PACS1: variants seen among roughly 807,000 people sequenced by gnomAD.
PACS1 encodes PACS-1.
In PACS1, 24 loss-of-function variants were observed where a neutral mutation model predicts 115.0. The observed-to-expected ratio is 0.21, with a 90% CI of 0.15 to 0.29. PACS1 has a LOEUF of 0.29. Among genes scored for constraint, PACS1 ranks in the 10% least tolerant of loss-of-function variants. PACS1 has a pLI of 1.00. For missense variants in PACS1, 838 were observed against 1,251.2 expected (o/e 0.67, Z 4.98); for synonymous variants, 453 against 504.5 (o/e 0.90, Z 1.37).
chr11:66,184,249 G>C (rs1860068465), intron 1 of PACS1, among the ~76,000 whole-genome samples: 1 of 149,996 alleles, frequency 6.7e-6, no homozygotes. Context: ...AGAGGCGGAG[G>C]CTGCGGTGAG....
Position 66,233,973 on chromosome 11 carries a change from A to G in PACS1, c.1993+34A>G, listed in dbSNP as rs772340831. The G allele has an allele frequency of 6.4e-7, 1 of 1,569,024 alleles. No individual in the cohort carries two copies. The highest frequency in any genetic ancestry group is 8.7e-7 in the Non-Finnish European group (1 of 1,154,596). On this transcript the variant is annotated intron_variant, in intron 16 of 23. Coordinates refer to ENST00000320580, the MANE Select transcript of PACS1 (RefSeq NM_018026.4). The surrounding 1 kb of genome is among the most constrained non-coding windows in gnomAD (Gnocchi z 4.5). Reference sequence around the variant, plus strand: ...GGGAGGCACCAGGAGGGCGTCGGGCATGAGGGTTCCATAGACAGATGCCTC... The same window carrying G: ...GGGAGGCACCAGGAGGGCGTCGGGCGTGAGGGTTCCATAGACAGATGCCTC...
In PACS1 at chr11:66,235,912, C is replaced by A; in HGVS notation, c.2222C>A (p.Ser741Tyr). 2 of 1,613,898 alleles carry A rather than the reference C, an allele frequency of 1.2e-6. No homozygotes were observed. The highest frequency in any genetic ancestry group is 2.2e-5 in the South Asian group (2 of 91,084). Residue 741 changes from serine (S) to tyrosine (Y), a missense_variant, in exon 19 of 24, where the codon TCC (serine) becomes TAC (tyrosine). Ser to Tyr is a moderately radical substitution (Grantham distance 144). Coordinates refer to ENST00000320580, the MANE Select transcript of PACS1 (RefSeq NM_018026.4). This position sits in a 1 kb window ranked among gnomAD's most constrained non-coding sequence, Gnocchi z 5.6. ...TCTCCCAACAGCCCTGATGAAGACT[C>A]CTATCAGAAGTTTATTCCCTTCATT... ...TCRHKFPDED[S>Y]YQKFIPFIGV...
At chr11:66,202,069 C>A (rs1425376470) in intron 2 of PACS1, among the ~76,000 whole-genome samples, 1 of 152,104 alleles carries the variant, frequency 6.6e-6, no homozygotes, top group Non-Finnish European at 1.5e-5. Flanking sequence ...ACTGACACTG[C>A]AGAAATTCAA....
intron 10 of PACS1, among the ~76,000 whole-genome samples, chr11:66,222,858 C>T (rs1855382673): frequency 6.6e-6 from 1 of 151,996 alleles, no homozygotes; most frequent in Admixed American, 6.6e-5. Context: ...CCAGGTGGGG[C>T]TCTCTCCCAG....
intron 19 of PACS1, chr11:66,238,009 C>T: frequency 1.0e-6 from 1 of 969,728 alleles, no homozygotes. Flanking sequence ...TTTGCCTAGG[C>T]CTGGGCCCAG....
intron 1 of PACS1, among the ~76,000 whole-genome samples, chr11:66,140,690 A>G (rs1048600739): frequency 1.3e-5 from 2 of 152,228 alleles, no homozygotes; most frequent in South Asian, 2.1e-4. Context: ...AACCCTGCCA[A>G]ATTAGTAAAA....
chr11:66,239,407 T>C (rs1855767981), intron 21 of PACS1, 130 bp downstream of exon 21: 1 of 1,105,760 alleles, frequency 9.0e-7, no homozygotes, highest in Middle Eastern at 2.9e-4. Flanking sequence ...CCTGTGGTCC[T>C]AGCTACTCAG....
chr11:66,136,411 C>T (rs1378796198), intron 1 of PACS1, among the ~76,000 whole-genome samples: 1 of 151,742 alleles, frequency 6.6e-6, no homozygotes, highest in Non-Finnish European at 1.5e-5. Flanking sequence ...TTTAACAAAA[C>T]CTTCATATCC....
chr11:66,221,325 G>A (rs566057757), intron 10 of PACS1, 78 bp downstream of exon 10: 2 of 1,230,482 alleles, frequency 1.6e-6, no homozygotes, highest in African/African-American at 1.5e-5. Context: ...CTGCATCTCT[G>A]ATCAGGGCTC....
chr11:66,189,557 C>G (rs561024249), intron 1 of PACS1, among the ~76,000 whole-genome samples: 20 of 152,306 alleles, frequency 1.3e-4, no homozygotes, highest in Non-Finnish European at 2.5e-4. Flanking sequence ...TTTCCCGCTG[C>G]GCTGTGTAGC....
intron 1 of PACS1, among the ~76,000 whole-genome samples, chr11:66,080,807 G>A (rs1857464762): frequency 6.6e-6 from 1 of 152,224 alleles, no homozygotes; most frequent in Admixed American, 6.5e-5. Context: ...ACAGCGAGAG[G>A]CTGTGTGGTA....
At chr11:66,200,934 G>A (rs75346020) in intron 2 of PACS1, among the ~76,000 whole-genome samples, 1 of 150,066 alleles carries the variant, frequency 6.7e-6, no homozygotes, top group African/African-American at 2.4e-5. Flanking sequence ...AAAAAAAAAA[G>A]TTGAGGCCAG....
chr11:66,163,549 A>G (rs1401964115), intron 1 of PACS1, among the ~76,000 whole-genome samples: 2 of 152,126 alleles, frequency 1.3e-5, no homozygotes, highest in Non-Finnish European at 2.9e-5. Context: ...TGAGGTCTCA[A>G]CAGTAGACTT....
At chr11:66,138,626 G>A (rs114135337) in intron 1 of PACS1, among the ~76,000 whole-genome samples, 1 of 151,472 alleles carries the variant, frequency 6.6e-6, no homozygotes, top group Non-Finnish European at 1.5e-5. Flanking sequence ...TTATTGTTAG[G>A]CTTACTGCTG....
At chr11:66,122,827 C>T (rs1356080743) in intron 1 of PACS1, among the ~76,000 whole-genome samples, 1 of 152,116 alleles carries the variant, frequency 6.6e-6, no homozygotes, top group African/African-American at 2.4e-5. Flanking sequence ...GGGACCTACT[C>T]CTGGTAAAGA....
chr11:66,135,951 C>G (rs936115320), intron 1 of PACS1, among the ~76,000 whole-genome samples: 1 of 152,110 alleles, frequency 6.6e-6, no homozygotes, highest in Non-Finnish European at 1.5e-5. Context: ...GCCACTACAC[C>G]CAGCCTCCTG....
intron 1 of PACS1, among the ~76,000 whole-genome samples, chr11:66,090,268 T>A (rs1187027760): frequency 7.2e-6 from 1 of 139,524 alleles, no homozygotes; most frequent in East Asian, 2.1e-4. Context: ...TCTTCTTTCC[T>A]TTCTTTTTTT....
chr11:66,235,967 A>T lies in PACS1; in HGVS notation c.2250+27A>T, dbSNP rs1554993808. ...TGAGTACTGACTCCCTCTGCTTGGC[A>T]CCCCACCCGTTCTCCTGGTCTTCCT... is the stretch of plus-strand genomic sequence containing the variant. On this transcript the variant is annotated intron_variant, in intron 19 of 23. Coordinates refer to ENST00000320580, the MANE Select transcript of PACS1 (RefSeq NM_018026.4). The surrounding 1 kb of genome is among the most constrained non-coding windows in gnomAD (Gnocchi z 5.6). The T allele has an allele frequency of 2.5e-6, 4 of 1,603,730 alleles. 1 individual carries two copies. The South Asian group carries it at 4.4e-5, about 18-fold the overall frequency.
At chr11:66,186,537 T>G (rs1025200084) in intron 1 of PACS1, among the ~76,000 whole-genome samples, 3 of 152,232 alleles carry the variant, frequency 2.0e-5, no homozygotes, top group Non-Finnish European at 2.9e-5. Context: ...TCTGACCTAC[T>G]ACATAATTTA....
Sources: allele counts gnomAD v4.1 joint callset (sites outside exome capture counted in the v4.1 genomes callset), GRCh38; gene constraint gnomAD v4.1.1; non-coding constraint Gnocchi (gnomAD v3.1); transcripts MANE v1.5; gene names NCBI Gene and HGNC (gene_info 2026-07-23, HGNC 2026-07-21).